Variants in SLC39A12 observed in about 807,000 individuals in gnomAD.
SLC39A12 encodes the protein zinc transporter ZIP12.
Under a neutral mutation model 71.1 loss-of-function variants are expected in SLC39A12, and 63 were observed. The ratio of observed to expected loss-of-function variants is 0.89; its 90% CI spans 0.72 to 1.09. The LOEUF is 1.09. SLC39A12 is among the 50% of genes least tolerant of loss of function. The probability of loss-of-function intolerance (pLI) is 0.00; values close to 1 mark genes in which losing one functional copy is unlikely to be tolerated. For missense variants in SLC39A12, 892 were observed against 812.6 expected (o/e 1.10, Z -1.19); for synonymous variants, 351 against 301.3 (o/e 1.16, Z -1.71).
intron 12 of SLC39A12, among the ~76,000 whole-genome samples, chr10:18,015,506 T>C (rs552202505): frequency 2.8e-4 from 42 of 152,252 alleles, no homozygotes; most frequent in African/African-American, 1.0e-3. Context: ...GGTGGTATAA[T>C]ATTGTAGAAA....
intron 12 of SLC39A12, among the ~76,000 whole-genome samples, chr10:18,033,399 A>T (rs1330647076): frequency 6.7e-6 from 1 of 148,178 alleles, no homozygotes; most frequent in Non-Finnish European, 1.5e-5. Context: ...GTGTCGAGGA[A>T]TTTATCCATT....
Position 18,003,206 on chromosome 10 carries a change from A to G in SLC39A12, c.1795A>G (p.Met599Val), listed in dbSNP as rs752520884. 3.1e-6 allele frequency: 5 copies of G among 1,614,124 alleles called. No individual in the cohort carries two copies. Among genetic ancestry groups the G allele is most frequent in the South Asian group, 2.2e-5 (2 of 91,076 alleles). ...FAVLLSSGLS[M>V]KTAILMNFIS... ...CGTGCTCTTAAGCTCTGGACTTTCT[A>G]TGAAGACTGCCATCCTGATGAATTT... The change falls in exon 12 of 13, where the codon ATG becomes GTG. Residue 599 changes from methionine to valine, a missense_variant. Transcript: ENST00000377369.
intron 12 of SLC39A12, among the ~76,000 whole-genome samples, chr10:18,041,981 C>T (rs1203282775): frequency 1.3e-5 from 2 of 151,162 alleles, no homozygotes; most frequent in African/African-American, 2.4e-5. Flanking sequence ...TCTTAGTCAT[C>T]GCTCTCTCTC....
intron 12 of SLC39A12, among the ~76,000 whole-genome samples, chr10:18,035,783 C>G (rs1836988557): frequency 6.6e-6 from 1 of 152,166 alleles, no homozygotes; most frequent in African/African-American, 2.4e-5. Context: ...GTGGTTTTAT[C>G]TACTTTTGGT....
At chr10:17,957,276 G>GT (rs1317480327) in intron 2 of SLC39A12, among the ~76,000 whole-genome samples, 2 of 152,126 alleles carry the variant, frequency 1.3e-5, no homozygotes, top group African/African-American at 2.4e-5. Context: ...TCAAGGCTGG[G>GT]TGAGACCATG....
rs1834808977 is a variant in SLC39A12 at position 17,965,699 on chromosome 10, G to A, written c.751+9G>A. The A allele has an allele frequency of 1.9e-6, 3 of 1,602,116 alleles. No individual in the cohort carries two copies. The highest frequency in any genetic ancestry group is 1.3e-5 in the African/African-American group (1 of 74,728). ...TACCCTCCGCCTATCAGGTAAGGAT[G>A]TTTTCACGAATTTAACTTCCAAGTC... On this transcript the variant is annotated intron_variant, in intron 4 of 12. Transcript: ENST00000377369.
intron 12 of SLC39A12, among the ~76,000 whole-genome samples, chr10:18,034,903 A>G (rs201940254): frequency 0.097 from 14,774 of 151,728 alleles, 1,088 homozygotes; most frequent in East Asian, 0.21. Flanking sequence ...TCCTTCACTT[A>G]TGAAGCTTAA....
chr10:17,963,241 C>T (rs528496721), intron 3 of SLC39A12, among the ~76,000 whole-genome samples: 14 of 152,240 alleles, frequency 9.2e-5, no homozygotes, highest in African/African-American at 3.1e-4. Context: ...AACCAGGAGG[C>T]GTGCCTACAT....
At chr10:18,027,968 A>T (rs1029999704) in intron 12 of SLC39A12, among the ~76,000 whole-genome samples, 1 of 152,214 alleles carries the variant, frequency 6.6e-6, no homozygotes, top group Admixed American at 6.5e-5. Context: ...GATGCCCCCC[A>T]AGATAAATTT....
intron 12 of SLC39A12, chr10:18,005,671 C>T (rs188031066): frequency 1.3e-5 from 2 of 152,280 alleles, no homozygotes; most frequent in East Asian, 3.9e-4. Context: ...TCATGCAGAA[C>T]CCTAAGCTAA....
intron 12 of SLC39A12, among the ~76,000 whole-genome samples, chr10:18,013,293 G>C (rs938542960): frequency 2.0e-5 from 3 of 150,462 alleles, no homozygotes; most frequent in Non-Finnish European, 4.4e-5. Context: ...GTTTGGGTCT[G>C]ATCCATTTTA....
At chr10:18,023,433 AG>A (rs1194331179) in intron 12 of SLC39A12, among the ~76,000 whole-genome samples, 1 of 152,142 alleles carries the variant, frequency 6.6e-6, no homozygotes, top group African/African-American at 2.4e-5. Context: ...GCCTGGTGGT[AG>A]GGGACCAGGT....
rs1444672979 is a variant in SLC39A12, at chr10:18,041,638, T to TAC, written c.1948-1066_1948-1065insCA. On this transcript the variant is annotated intron_variant, in intron 12 of 12. Coordinates refer to ENST00000377369, the MANE Select transcript of SLC39A12 (RefSeq NM_001145195.2). ...ATATACATATGTATATATGTGTATA[T>TAC]ATATGTATATACATATGTATATATG... 2.8e-5 allele frequency among the ~76,000 whole-genome samples: 3 copies of TAC among 105,998 alleles called. No homozygotes were observed. In the East Asian group the frequency reaches 6.6e-4, roughly 23 times the overall value. The allele number at this position is 105,998 out of a possible 152,430, so 69.5% of individuals were successfully genotyped here. A position where few individuals can be genotyped will look rare whatever the true frequency, so the allele number is the denominator to read the frequency against.
intron 5 of SLC39A12, among the ~76,000 whole-genome samples, chr10:17,980,732 C>T (rs779171549): frequency 1.7e-4 from 26 of 152,076 alleles, no homozygotes; most frequent in Non-Finnish European, 2.6e-4. Flanking sequence ...GTGTGTGTGT[C>T]TCTGTGGAGA....
intron 6 of SLC39A12, among the ~76,000 whole-genome samples, chr10:17,983,168 C>CAAAAAA (rs59513976): frequency 9.9e-5 from 6 of 60,596 alleles, no homozygotes; most frequent in African/African-American, 3.0e-4. Context: ...GACTCCATCT[C>CAAAAAA]AAAAAAAAAA....
chr10:18,035,764 C>G (rs1836988057), intron 12 of SLC39A12, among the ~76,000 whole-genome samples: 1 of 152,100 alleles, frequency 6.6e-6, no homozygotes, highest in South Asian at 2.1e-4. Context: ...CTGTTTTTTC[C>G]CCATCTTTGT....
At chr10:17,991,333 C>T (rs773151208) in intron 8 of SLC39A12, 30 bp downstream of exon 8, 3 of 1,520,638 alleles carry the variant, frequency 2.0e-6, no homozygotes, top group Non-Finnish European at 8.8e-7. Context: ...TTGTCTTGTG[C>T]TTTAAAGTCT....
chr10:18,021,181 T>G (rs1459176708), intron 12 of SLC39A12, among the ~76,000 whole-genome samples: 1 of 152,028 alleles, frequency 6.6e-6, no homozygotes, highest in Non-Finnish European at 1.5e-5. Context: ...TTCTATCTTC[T>G]GCACATGGCT....
chr10:17,986,476 A>G (rs1055087488), intron 6 of SLC39A12, among the ~76,000 whole-genome samples: 4 of 152,190 alleles, frequency 2.6e-5, no homozygotes, highest in South Asian at 2.1e-4. Context: ...TTCCTGGTTC[A>G]TGGACTGGTG....
Sources: gnomAD v4.1 joint callset for allele counts (sites outside exome capture counted in the v4.1 genomes callset) on GRCh38, gnomAD v4.1.1 for gene constraint, MANE v1.5 for transcripts, NCBI Gene and HGNC (gene_info 2026-07-23, HGNC 2026-07-21) for gene names.